Variants in ADAMTS6 observed in about 807,000 individuals in gnomAD.
ADAMTS6 encodes the protein A disintegrin and metalloproteinase with thrombospondin motifs 6.
In ADAMTS6, 23 loss-of-function variants were observed where a neutral mutation model predicts 144.3. That is an observed-to-expected ratio of 0.16 (90% CI 0.11 to 0.23). ADAMTS6 has a LOEUF of 0.23. Among genes scored for constraint, ADAMTS6 ranks in the 10% least tolerant of loss-of-function variants. The pLI, the probability that ADAMTS6 is intolerant of heterozygous loss-of-function variation, is 1.00. For synonymous variants in ADAMTS6, 444 were observed against 457.5 expected (o/e 0.97, Z 0.38); for missense variants, 999 against 1,379.6 (o/e 0.72, Z 4.37).
intron 4 of ADAMTS6, among the ~76,000 whole-genome samples, chr5:65,456,695 G>T (rs1331331864): frequency 6.6e-6 from 1 of 152,108 alleles, no homozygotes; most frequent in African/African-American, 2.4e-5. Flanking sequence ...TACATAAGTA[G>T]ATAATGAAGA....
intron 7 of ADAMTS6, among the ~76,000 whole-genome samples, chr5:65,430,931 A>C (rs1351986887): frequency 6.6e-6 from 1 of 152,204 alleles, no homozygotes; most frequent in Non-Finnish European, 1.5e-5. Flanking sequence ...CATATCACAC[A>C]GTAAAATTGT....
chr5:65,381,255 T>C (rs910551435), intron 7 of ADAMTS6, among the ~76,000 whole-genome samples: 3 of 152,090 alleles, frequency 2.0e-5, no homozygotes, highest in African/African-American at 7.2e-5. Flanking sequence ...AAAAAGCAAA[T>C]GTGCTAGCTT....
chr5:65,297,909 A>G (rs754927037), intron 10 of ADAMTS6, among the ~76,000 whole-genome samples: 1 of 152,120 alleles, frequency 6.6e-6, no homozygotes. Context: ...GAGGATGCAC[A>G]TGAGAAATAT....
At chr5:65,481,180 T>C (rs1761170881) in intron 1 of ADAMTS6, among the ~76,000 whole-genome samples, 163 bp downstream of exon 1, 1 of 149,374 alleles carries the variant, frequency 6.7e-6, no homozygotes, top group Non-Finnish European at 1.5e-5. Context: ...GATATCTATT[T>C]GTAAAATGAG....
intron 7 of ADAMTS6, among the ~76,000 whole-genome samples, chr5:65,382,544 C>T (rs1297742086): frequency 6.6e-6 from 1 of 152,230 alleles, no homozygotes; most frequent in Non-Finnish European, 1.5e-5. Context: ...TTAAGAATTT[C>T]AAGATGATGA....
At chr5:65,433,281 T>C (rs1363129596) in intron 7 of ADAMTS6, among the ~76,000 whole-genome samples, 1 of 152,172 alleles carries the variant, frequency 6.6e-6, no homozygotes, top group African/African-American at 2.4e-5. Context: ...ATTATTAATA[T>C]GCCTCCTTAC....
chr5:65,294,157 C>A (rs1408093870), intron 10 of ADAMTS6, among the ~76,000 whole-genome samples: 1 of 152,194 alleles, frequency 6.6e-6, no homozygotes, highest in African/African-American at 2.4e-5. Flanking sequence ...GTAACCATAT[C>A]TGGTATATAC....
Position 65,259,017 on chromosome 5 carries a change from CACTG to C in ADAMTS6, c.1830+1579_1830+1582del, listed in dbSNP as rs1483510386. ...GTATTGGTAGAGCAGAGACACAGGC[CACTG>C]ACTAACTCTTGGGTACTCTAACATT... On this transcript the variant is annotated intron_variant, in intron 14 of 24. Coordinates refer to ENST00000381055, the MANE Select transcript of ADAMTS6 (RefSeq NM_197941.4). Among the ~76,000 whole-genome samples the C allele has an allele frequency of 1.8e-4, 28 of 152,078 alleles. 3 individuals carry two copies. Among genetic ancestry groups the C allele is most frequent in the African/African-American group, 6.8e-4 (28 of 41,466 alleles).
intron 15 of ADAMTS6, among the ~76,000 whole-genome samples, chr5:65,235,517 A>G (rs1758602004): frequency 3.3e-5 from 5 of 152,146 alleles, no homozygotes; most frequent in Admixed American, 3.3e-4. Context: ...GGAAAGGCAG[A>G]CCCACCCTTA....
intron 7 of ADAMTS6, among the ~76,000 whole-genome samples, chr5:65,414,186 T>C (rs1314560723): frequency 6.6e-6 from 1 of 152,200 alleles, no homozygotes; most frequent in East Asian, 1.9e-4. Flanking sequence ...TCATACCCCT[T>C]TGTCTATCAC....
chr5:65,379,866 T>G (rs1751888353), intron 7 of ADAMTS6, among the ~76,000 whole-genome samples: 1 of 152,038 alleles, frequency 6.6e-6, no homozygotes. Context: ...ATATGGACAA[T>G]AAATATTTGA....
intron 9 of ADAMTS6, among the ~76,000 whole-genome samples, chr5:65,308,282 A>G (rs1342129767): frequency 6.6e-6 from 1 of 152,234 alleles, no homozygotes; most frequent in Non-Finnish European, 1.5e-5. Context: ...ACTGGTGCCT[A>G]TGCATTGTGC....
intron 7 of ADAMTS6, among the ~76,000 whole-genome samples, chr5:65,348,983 AT>A (rs1244082310): frequency 1.3e-5 from 2 of 152,112 alleles, no homozygotes; most frequent in African/African-American, 2.4e-5. Context: ...TACATCTAAA[AT>A]TTTTTCTTTC....
intron 3 of ADAMTS6, among the ~76,000 whole-genome samples, chr5:65,466,947 C>T (rs1006122526): frequency 6.6e-6 from 1 of 151,180 alleles, no homozygotes; most frequent in South Asian, 2.1e-4. Context: ...GAGGCTGACG[C>T]AGGAGAATGG....
rs1387430224 is a variant in ADAMTS6, at chr5:65,459,977, T to G, written c.631+193A>C. 2.0e-5 allele frequency among the ~76,000 whole-genome samples: 3 copies of G among 152,184 alleles called. No homozygotes were observed. In the East Asian group the frequency reaches 5.8e-4, roughly 29 times the overall value. ...ATGAATTTTATACAAACTTACAGCT[T>G]AAAAACTTCTCAAAGAGCTCCCAAA... On this transcript the variant is annotated intron_variant, in intron 4 of 24. Coordinates refer to ENST00000381055, the MANE Select transcript of ADAMTS6 (RefSeq NM_197941.4).
At chr5:65,369,392 T>G (rs966207127) in intron 7 of ADAMTS6, among the ~76,000 whole-genome samples, 2 of 152,226 alleles carry the variant, frequency 1.3e-5, no homozygotes, top group African/African-American at 4.8e-5. Flanking sequence ...GTTGTCTATT[T>G]GACCTACAAA....
chr5:65,300,148 G>A lies in ADAMTS6; in HGVS notation c.1224-17C>T. ...ATACCAAAACTGTTTTAATGAGGAA[G>A]AAACATAGAATAAATAAATAAGAAA... On this transcript the variant is annotated splice_polypyrimidine_tract_variant and intron_variant, in intron 9 of 24. Transcript: ENST00000381055. The A allele has an allele frequency of 6.2e-7, 1 of 1,605,104 alleles. No homozygotes were observed. The highest frequency in any genetic ancestry group is 8.5e-7 in the Non-Finnish European group (1 of 1,176,690).
chr5:65,449,341 C>A lies in ADAMTS6; in HGVS notation c.1073+2134G>T, dbSNP rs142544820. Among the ~76,000 whole-genome samples, 684 of 152,262 alleles carry A rather than the reference C, an allele frequency of 4.5e-3. 5 individuals carry two copies. Among genetic ancestry groups the A allele is most frequent in the African/African-American group, 0.015 (626 of 41,548 alleles). ...TTTAAAAAGAAAATTTTGGGCCAGG[C>A]GCGGTGGCTCACGCCTGTAATCCCC... On this transcript the variant is annotated intron_variant, in intron 7 of 24. Coordinates refer to ENST00000381055, the MANE Select transcript of ADAMTS6 (RefSeq NM_197941.4).
chr5:65,352,231 G>T (rs985557207), intron 7 of ADAMTS6, among the ~76,000 whole-genome samples: 1 of 144,646 alleles, frequency 6.9e-6, no homozygotes, highest in Non-Finnish European at 1.6e-5. Flanking sequence ...ATAACCAAAA[G>T]AAGAATTTAA....
Sources: gnomAD v4.1 joint callset for allele counts (sites outside exome capture counted in the v4.1 genomes callset) on GRCh38, gnomAD v4.1.1 for gene constraint, MANE v1.5 for transcripts, NCBI Gene and HGNC (gene_info 2026-07-23, HGNC 2026-07-21) for gene names.